MIA2: variants seen among roughly 807,000 people sequenced by gnomAD.
MIA2 encodes melanoma inhibitory activity protein 2.
MIA2 carries 127 observed loss-of-function variants against 167.8 expected under a neutral mutation model. The observed-to-expected ratio is 0.76, with a 90% CI of 0.66 to 0.88. MIA2 has a LOEUF of 0.88. MIA2 is among the 40% of genes least tolerant of loss of function. The pLI is 0.00. For missense variants in MIA2, 1,690 were observed against 1,624.7 expected (o/e 1.04, Z -0.69); for synonymous variants, 552 against 541.9 (o/e 1.02, Z -0.26).
At position 39,292,979 on chromosome 14, in the gene MIA2, A is replaced by G. The variant is rs544557972; in HGVS notation, c.2209-292A>G. 2.6e-5 allele frequency among the ~76,000 whole-genome samples: 4 copies of G among 152,268 alleles called. No individual in the cohort carries two copies. The East Asian group carries it at 5.8e-4, about 22-fold the overall frequency. On this transcript the variant is annotated intron_variant, in intron 10 of 28. Transcript: ENST00000640607. ...TTTTTTTGTAAAAAATTGTTTTGGA[A>G]CACAGCCATGCTCATTTATGTAGGT...
At chr14:39,265,437 T>G (rs768582943) in intron 6 of MIA2, 1 of 1,597,958 alleles carries the variant, frequency 6.3e-7, no homozygotes, top group East Asian at 2.3e-5. Flanking sequence ...TTTATAACTA[T>G]TAAGCATACT....
chr14:39,306,205 G>C (rs909899064), intron 17 of MIA2, among the ~76,000 whole-genome samples: 1 of 151,958 alleles, frequency 6.6e-6, no homozygotes, highest in South Asian at 2.1e-4. Flanking sequence ...TATGTAAACT[G>C]TTCTTTTGGT....
exon 24 of MIA2, chr14:39,386,928 G>T (rs866839524): frequency 9.2e-6 from 7 of 761,956 alleles, no homozygotes; most frequent in African/African-American, 7.1e-5. Context: ...CTTCAGGTAG[G>T]GGCCTAGGAG....
At chr14:39,280,993 G>C (rs139297693) in intron 9 of MIA2, among the ~76,000 whole-genome samples, 4 of 131,814 alleles carry the variant, frequency 3.0e-5, no homozygotes, top group Non-Finnish European at 6.1e-5. Flanking sequence ...TGTGATCTTG[G>C]CTCACTTCAA....
intron 23 of MIA2, among the ~76,000 whole-genome samples, chr14:39,380,567 T>C (rs8005398): frequency 0.64 from 96,228 of 151,508 alleles, 30,849 homozygotes; most frequent in South Asian, 0.69. Flanking sequence ...GTGGCATGCC[T>C]CTGTAGTCCC....
intron 23 of MIA2, among the ~76,000 whole-genome samples, chr14:39,375,579 C>G (rs1255590924): frequency 5.9e-5 from 9 of 152,162 alleles, no homozygotes; most frequent in African/African-American, 1.7e-4. Flanking sequence ...TGTCTGTAAT[C>G]CCAGCTACTC....
At position 39,248,021 on chromosome 14, in the gene MIA2, A is replaced by G. The variant is rs1340539294; in HGVS notation, c.1447A>G (p.Lys483Glu). The G allele has an allele frequency of 6.4e-7, 1 of 1,574,556 alleles. No homozygotes were observed. The highest frequency in any genetic ancestry group is 2.3e-5 in the East Asian group (1 of 44,382). ...IPKETELPFP[K>E]QILDQNNVIE... ...AAAGGAAACAGAATTGCCATTTCCC[A>G]AACAGATACTGGATCAAAATAATGT... Residue 483 changes from lysine to glutamate, a missense_variant, in exon 4 of 29, where the codon AAA becomes GAA. By Grantham distance (56) the Lys-to-Glu change is moderately conservative (BLOSUM62 1). Transcript: ENST00000640607.
Position 39,342,988 on chromosome 14 carries a change from T to G in MIA2, c.3656-2916T>G, listed in dbSNP as rs78909536. Among the ~76,000 whole-genome samples, 574 of 152,276 alleles carry G rather than the reference T, an allele frequency of 3.8e-3. 20 individuals carry two copies. The East Asian group carries it at 0.091, about 24-fold the overall frequency. Reference sequence around the variant, plus strand: ...CAGTGTATAAGAAACCACAAAATGTTTAACCATTTCCTGTTGGTGAGCATT... The same window carrying G: ...CAGTGTATAAGAAACCACAAAATGTGTAACCATTTCCTGTTGGTGAGCATT... On this transcript the variant is annotated intron_variant, in intron 25 of 28. Transcript: ENST00000640607.
rs550375363 is a variant in MIA2 at position 39,247,603 on chromosome 14, T to C, written c.1029T>C (p.Asn343=). The change falls in exon 4 of 29, where the codon AAT becomes AAC. Residue 343 remains asparagine (N), a synonymous_variant. Transcript: ENST00000640607. ...ATCCACCACTACAAGATTTTCCCAA[T>C]TCCATATCATCTGATAAAGAAGCCA... ...ESNPPLQDFP[N]SISSDKEATV... is the part of the protein sequence containing the mutation. 1 of 1,613,974 alleles carries C rather than the reference T, an allele frequency of 6.2e-7. No homozygotes were observed. The highest frequency in any genetic ancestry group is 1.3e-5 in the African/African-American group (1 of 75,030).
rs775821116 is a variant in MIA2 at position 39,279,439 on chromosome 14, AC to A, written c.2042-9del. Reference sequence around the variant, plus strand: ...ATTTACTCATGGTAATATTGACTTGACTTTTTTAGGACGAGAGAAAAAGCTT... The same window carrying A: ...ATTTACTCATGGTAATATTGACTTGATTTTTTAGGACGAGAGAAAAAGCTT... On this transcript the variant is annotated splice_polypyrimidine_tract_variant and intron_variant, in intron 8 of 28. Transcript: ENST00000640607. 2.5e-6 allele frequency: 4 copies of A among 1,603,876 alleles called. No homozygotes were observed. In the South Asian group the frequency reaches 4.6e-5, roughly 18 times the overall value.
At chr14:39,300,903 T>C (rs1218032511) in intron 14 of MIA2, among the ~76,000 whole-genome samples, 1 of 151,904 alleles carries the variant, frequency 6.6e-6, no homozygotes, top group African/African-American at 2.4e-5. Context: ...CTGAGTTTTA[T>C]TCAGAATTTG....
intron 3 of MIA2, among the ~76,000 whole-genome samples, chr14:39,244,261 G>A (rs1178776760): frequency 2.0e-5 from 3 of 152,218 alleles, no homozygotes; most frequent in Non-Finnish European, 2.9e-5. Flanking sequence ...CTTGGGAAAG[G>A]GGGATTCTAC....
intron 27 of MIA2, among the ~76,000 whole-genome samples, chr14:39,348,318 G>A (rs1031908089): frequency 1.3e-5 from 2 of 152,148 alleles, no homozygotes; most frequent in African/African-American, 4.8e-5. Flanking sequence ...GTTAGTTTAA[G>A]ATTTTAGTTC....
chr14:39,288,582 C>T (rs2060279869), intron 9 of MIA2, among the ~76,000 whole-genome samples: 1 of 149,520 alleles, frequency 6.7e-6, no homozygotes, highest in African/African-American at 2.5e-5. Context: ...TCAAGCGATT[C>T]TCCTGCCTCA....
chr14:39,253,377 G>A, intron 6 of MIA2: 2 of 687,698 alleles, frequency 2.9e-6, no homozygotes, highest in South Asian at 4.0e-5. Flanking sequence ...CCTAAGTTTT[G>A]TTGATGTTGA....
chr14:39,277,036 C>G lies in MIA2; in HGVS notation c.1990C>G (p.Leu664Val). Residue 664 changes from leucine to valine, a missense_variant, in exon 7 of 29, where the codon CTC becomes GTC. Transcript: ENST00000640607. The part of the protein sequence containing the change: ...CAAVVGFFAV[L>V]FFLWRSFRSV... ...AGCTGTTGTTGGATTTTTTGCTGTT[C>G]TCTTTTTTTTGTGGAGAAGTTTTAG... is the stretch of plus-strand genomic sequence containing the variant. 2.5e-6 allele frequency: 4 copies of G among 1,613,576 alleles called. No homozygotes were observed. Among genetic ancestry groups the G allele is most frequent in the East Asian group, 4.5e-5 (2 of 44,836 alleles).
chr14:39,313,768 G>A (rs11157058), intron 19 of MIA2, among the ~76,000 whole-genome samples: 41,966 of 151,838 alleles, frequency 0.28, 5,973 homozygotes, highest in East Asian at 0.5. Context: ...TTCCTCATTG[G>A]TTCAAATTGA....
chr14:39,347,550 A>G (rs2073568626), intron 26 of MIA2, 163 bp from the exon 27 acceptor site: 4 of 621,494 alleles, frequency 6.4e-6, no homozygotes, highest in Admixed American at 6.3e-5. Context: ...CAGAATTTCT[A>G]GGGACCTCAA....
At chr14:39,303,436 T>G in intron 15 of MIA2, 42 bp from the exon 16 acceptor site, 1 of 1,490,914 alleles carries the variant, frequency 6.7e-7, no homozygotes, top group Non-Finnish European at 9.3e-7. Flanking sequence ...CGTATTGTAC[T>G]ATTTTCCCAA....
Sources: allele counts gnomAD v4.1 joint callset (sites outside exome capture counted in the v4.1 genomes callset), GRCh38; gene constraint gnomAD v4.1.1; transcripts MANE v1.5; gene names NCBI Gene and HGNC (gene_info 2026-07-23, HGNC 2026-07-21).